The following GPRIN3 variants were observed in gnomAD, a reference collection of about 807,000 sequenced individuals.
GPRIN3 encodes G protein-regulated inducer of neurite outgrowth 3.
GPRIN3 carries 12 observed loss-of-function variants against 13.7 expected under a neutral mutation model. That is an observed-to-expected ratio of 0.87 (90% CI 0.56 to 1.42). The LOEUF is 1.42. Ranked by LOEUF, GPRIN3 falls within the 40% of genes most tolerant of loss-of-function variation. The pLI is 0.00. For missense variants in GPRIN3, 1,009 were observed against 958.7 expected (o/e 1.05, Z -0.69); for synonymous variants, 377 against 372.7 (o/e 1.01, Z -0.13).
chr4:89,273,365 G>T lies in GPRIN3; in HGVS notation c.-123-23132C>A, dbSNP rs1300313420. On this transcript the variant is annotated intron_variant, in intron 1 of 1. Transcript: ENST00000609438. ...CCTCACCACTCCTACCTCTGTAATT[G>T]CTAGAACATAAACTAATGTTAAAAA... 2.6e-5 allele frequency among the ~76,000 whole-genome samples: 4 copies of T among 152,270 alleles called. No individual in the cohort carries two copies. The South Asian group carries it at 8.3e-4, about 32-fold the overall frequency.
At chr4:89,282,803 A>G (rs1232547153) in intron 1 of GPRIN3, among the ~76,000 whole-genome samples, 1 of 152,134 alleles carries the variant, frequency 6.6e-6, no homozygotes, top group African/African-American at 2.4e-5. Flanking sequence ...TCAGAGAGCT[A>G]TCCCCACTTT....
Position 89,238,099 on chromosome 4 carries a change from T to G in GPRIN3, c.*9681A>C, listed in dbSNP as rs1356917712. ...GCAGCCACAGGGCACCATTTTAGGTTAAAATAGTGTGCATTTATACACACA... is the reference window on the plus strand; with the variant it reads ...GCAGCCACAGGGCACCATTTTAGGTGAAAATAGTGTGCATTTATACACACA... On this transcript the variant is annotated 3_prime_UTR_variant, in exon 2 of 2. Transcript: ENST00000609438. 2 of 138,096 alleles carry G rather than the reference T, an allele frequency of 1.4e-5. No homozygotes were observed. Among genetic ancestry groups the G allele is most frequent in the African/African-American group, 5.8e-5 (2 of 34,726 alleles). 8.6% of individuals were successfully genotyped at this position (138,096 alleles called of 1,614,324 possible).
rs142863679 is a variant in GPRIN3, at chr4:89,238,933, A to G, written c.*8847T>C. Reference sequence around the variant, plus strand: ...TCTAAATTTTTTGATGGTAAAACTAAGTCATTAGTTGAATATCAGAATTTT... The same window carrying G: ...TCTAAATTTTTTGATGGTAAAACTAGGTCATTAGTTGAATATCAGAATTTT... On this transcript the variant is annotated 3_prime_UTR_variant, in exon 2 of 2. Transcript: ENST00000609438. The G allele has an allele frequency of 4.8e-4, 73 of 152,346 alleles. No individual in the cohort carries two copies. Among genetic ancestry groups the G allele is most frequent in the African/African-American group, 1.6e-3 (66 of 41,594 alleles). The allele number at this position is 152,346 out of a possible 1,614,324, so 9.4% of individuals were successfully genotyped here.
rs373995756 is a variant in GPRIN3 at position 89,241,401 on chromosome 4, C to G, written c.*6379G>C. 1 of 152,270 alleles carries G rather than the reference C, an allele frequency of 6.6e-6. No homozygotes were observed. Among genetic ancestry groups the G allele is most frequent in the Admixed American group, 6.5e-5 (1 of 15,292 alleles). The allele number at this position is 152,270 out of a possible 1,614,324, so 9.4% of individuals were successfully genotyped here. ...ACACATAAAAATAGAAAACTGATCA[C>G]TCAGACTGTACACACTCACAGAATG... is the stretch of plus-strand genomic sequence containing the variant. On this transcript the variant is annotated 3_prime_UTR_variant, in exon 2 of 2. Transcript: ENST00000609438.
chr4:89,300,822 AT>A (rs759119294), intron 1 of GPRIN3, among the ~76,000 whole-genome samples: 14 of 152,234 alleles, frequency 9.2e-5, no homozygotes, highest in East Asian at 7.7e-4. Flanking sequence ...GTCATAAGCA[AT>A]TTTTACCCAA....
intron 1 of GPRIN3, among the ~76,000 whole-genome samples, chr4:89,256,096 G>T (rs183060898): frequency 1.3e-5 from 2 of 152,182 alleles, no homozygotes; most frequent in South Asian, 4.1e-4. Context: ...TGGAATACCT[G>T]TAATTCCTGT....
chr4:89,288,998 A>G (rs907954259), intron 1 of GPRIN3, among the ~76,000 whole-genome samples: 2 of 151,758 alleles, frequency 1.3e-5, no homozygotes, highest in African/African-American at 4.8e-5. Flanking sequence ...CCTCTCTGAC[A>G]TTTTCCTATG....
chr4:89,243,562 A>C lies in GPRIN3; in HGVS notation c.*4218T>G, dbSNP rs1317098584. The C allele has an allele frequency of 6.6e-6, 1 of 152,222 alleles. No individual in the cohort carries two copies. Among genetic ancestry groups the C allele is most frequent in the Non-Finnish European group, 1.5e-5 (1 of 68,036 alleles). 9.4% of individuals were successfully genotyped at this position (152,222 alleles called of 1,614,324 possible). ...TTTGACTTCTGATTTCACCATGTAC[A>C]CAAAAACAGAGTGGGAATAAGGTAG... On this transcript the variant is annotated 3_prime_UTR_variant, in exon 2 of 2. Coordinates refer to ENST00000609438, the MANE Select transcript of GPRIN3 (RefSeq NM_198281.3).
At chr4:89,273,869 G>T (rs1330661397) in intron 1 of GPRIN3, among the ~76,000 whole-genome samples, 3 of 152,188 alleles carry the variant, frequency 2.0e-5, no homozygotes, top group African/African-American at 7.2e-5. Context: ...CCAAATGGCA[G>T]ATCTTCCTCA....
At chr4:89,256,091 T>C (rs923661214) in intron 1 of GPRIN3, among the ~76,000 whole-genome samples, 1 of 152,202 alleles carries the variant, frequency 6.6e-6, no homozygotes, top group African/African-American at 2.4e-5. Flanking sequence ...CAAGATGGAA[T>C]ACCTGTAATT....
chr4:89,303,383 C>T (rs1202166737), intron 1 of GPRIN3, among the ~76,000 whole-genome samples: 1 of 152,104 alleles, frequency 6.6e-6, no homozygotes, highest in Non-Finnish European at 1.5e-5. Flanking sequence ...TGGTGTATCT[C>T]GTAATGTCAA....
At chr4:89,252,898 G>A (rs1291278336) in intron 1 of GPRIN3, among the ~76,000 whole-genome samples, 1 of 150,980 alleles carries the variant, frequency 6.6e-6, no homozygotes, top group Admixed American at 6.6e-5. Flanking sequence ...TCCTCCCACT[G>A]TCTGCCCTCC....
chr4:89,280,071 C>T (rs1724203129), intron 1 of GPRIN3, among the ~76,000 whole-genome samples: 1 of 152,176 alleles, frequency 6.6e-6, no homozygotes, highest in Non-Finnish European at 1.5e-5. Flanking sequence ...TCTTCTCATC[C>T]ATGCCAGAAA....
intron 1 of GPRIN3, among the ~76,000 whole-genome samples, chr4:89,283,397 C>T (rs1724309250): frequency 6.6e-6 from 1 of 152,094 alleles, no homozygotes; most frequent in Admixed American, 6.5e-5. Context: ...CCAACTTTTG[C>T]AATCAGGGAA....
At chr4:89,285,627 T>A (rs1181535379) in intron 1 of GPRIN3, among the ~76,000 whole-genome samples, 2 of 152,206 alleles carry the variant, frequency 1.3e-5, no homozygotes, top group Non-Finnish European at 2.9e-5. Flanking sequence ...CACAAATATC[T>A]CAACTTCCTG....
chr4:89,259,867 C>T (rs1723578241), intron 1 of GPRIN3, among the ~76,000 whole-genome samples: 1 of 152,224 alleles, frequency 6.6e-6, no homozygotes, highest in African/African-American at 2.4e-5. Context: ...GCTTTTAGCT[C>T]ACATCAGACA....
At position 89,242,098 on chromosome 4, in the gene GPRIN3, C is replaced by G. The variant is rs533231454; in HGVS notation, c.*5682G>C. ...TGGGGTATCTCATCATAATTATCAC[C>G]ATGCAGGTTGATCATCAATATCCTT... On this transcript the variant is annotated 3_prime_UTR_variant, in exon 2 of 2. Coordinates refer to ENST00000609438, the MANE Select transcript of GPRIN3 (RefSeq NM_198281.3). The G allele has an allele frequency of 3.3e-5, 5 of 152,252 alleles. No individual in the cohort carries two copies. In the South Asian group the frequency reaches 1.0e-3, roughly 32 times the overall value. The allele number at this position is 152,252 out of a possible 1,614,324, so 9.4% of individuals were successfully genotyped here.
rs539536188 is a variant in GPRIN3 at position 89,288,805 on chromosome 4, A to T, written c.-124+18810T>A. Among the ~76,000 whole-genome samples, 29 of 152,280 alleles carry T rather than the reference A, an allele frequency of 1.9e-4. No individual in the cohort carries two copies. In the South Asian group the frequency reaches 6.0e-3, roughly 32 times the overall value. The stretch of plus-strand genomic sequence containing the variant: ...TGGGTAACGTTAAAAATGAGAATAA[A>T]TTTCAATAACAGTACGAATAATAGC... On this transcript the variant is annotated intron_variant, in intron 1 of 1. Coordinates refer to ENST00000609438, the MANE Select transcript of GPRIN3 (RefSeq NM_198281.3).
chr4:89,248,953 A>C lies in GPRIN3; in HGVS notation c.1158T>G (p.Pro386=). 6.2e-7 allele frequency: 1 copy of C among 1,614,164 alleles called. No individual in the cohort carries two copies. Among genetic ancestry groups the C allele is most frequent in the Non-Finnish European group, 8.5e-7 (1 of 1,179,980 alleles). The change falls in exon 2 of 2, where the codon CCT becomes CCG. Residue 386 remains proline (P), a synonymous_variant. Transcript: ENST00000609438. Reference sequence around the variant, plus strand: ...GAATGTGCACCTGTGGCATGATGCCAGGGCACTGGCTGGACTCCTGGGGGG... The same window carrying C: ...GAATGTGCACCTGTGGCATGATGCCCGGGCACTGGCTGGACTCCTGGGGGG... ...TLAPQESSQC[P]GIMPQVHIQA...
Sources: allele counts gnomAD v4.1 joint callset (sites outside exome capture counted in the v4.1 genomes callset), GRCh38; gene constraint gnomAD v4.1.1; transcripts MANE v1.5; gene names NCBI Gene and HGNC (gene_info 2026-07-23, HGNC 2026-07-21).